Variants in UVRAG observed in about 807,000 individuals in gnomAD.
The protein encoded by UVRAG is UV radiation resistance-associated gene protein.
UVRAG carries 19 observed loss-of-function variants against 78.0 expected under a neutral mutation model. That is an observed-to-expected ratio of 0.24 (90% CI 0.17 to 0.36). The LOEUF (loss-of-function observed/expected upper bound fraction) is 0.36. UVRAG is among the 10% of genes least tolerant of loss of function. The pLI is 1.00. For missense variants in UVRAG, 740 were observed against 853.8 expected, an observed-to-expected ratio of 0.87 and a Z score of 1.66; for synonymous variants, 323 against 324.6, an observed-to-expected ratio of 1.00 and a Z score of 0.05.
chr11:75,816,508 A>G (rs937724167), intron 1 of UVRAG, among the ~76,000 whole-genome samples: 7 of 152,228 alleles, frequency 4.6e-5, no homozygotes, highest in African/African-American at 1.7e-4. Flanking sequence ...GGATTTGTGC[A>G]AAGGGCTCAG....
chr11:75,821,108 T>C (rs143563125), intron 1 of UVRAG, among the ~76,000 whole-genome samples: 4 of 152,304 alleles, frequency 2.6e-5, no homozygotes, highest in African/African-American at 9.6e-5. Context: ...CCCTGGTAAA[T>C]TCTGTTCTAC....
intron 6 of UVRAG, among the ~76,000 whole-genome samples, chr11:75,960,220 C>CT (rs1408622264): frequency 1.4e-5 from 2 of 142,882 alleles, no homozygotes; most frequent in Non-Finnish European, 3.1e-5. Context: ...TTTTTTGTTT[C>CT]TTTTTTTTAA....
chr11:75,961,750 C>T (rs778294343), intron 7 of UVRAG, among the ~76,000 whole-genome samples: 1 of 152,050 alleles, frequency 6.6e-6, no homozygotes, highest in South Asian at 2.1e-4. Context: ...CTGCTTTATT[C>T]TGCTAGATGA....
At chr11:76,075,992 C>T (rs1378177094) in intron 13 of UVRAG, among the ~76,000 whole-genome samples, 1 of 152,028 alleles carries the variant, frequency 6.6e-6, no homozygotes, top group African/African-American at 2.4e-5. Flanking sequence ...TATCCATTTA[C>T]GAGTTGATAG....
Position 75,820,500 on chromosome 11 carries a change from A to T in UVRAG, c.117+4976A>T, listed in dbSNP as rs188001199. Among the ~76,000 whole-genome samples the T allele has an allele frequency of 1.0e-3, 153 of 152,088 alleles. No individual in the cohort carries two copies. The East Asian group carries it at 0.022, about 22-fold the overall frequency. On this transcript the variant is annotated intron_variant, in intron 1 of 14. Transcript: ENST00000356136. ...CTCCTGAGTAGCTGGGATTACAGGC[A>T]TGCACCACTGTTCCTGGCTAATTTT...
intron 3 of UVRAG, among the ~76,000 whole-genome samples, chr11:75,875,400 G>A (rs1946745119): frequency 6.6e-6 from 1 of 150,406 alleles, no homozygotes; most frequent in Non-Finnish European, 1.5e-5. Flanking sequence ...CAGTTACTTG[G>A]TTTTATGTGT....
In UVRAG at chr11:76,141,311, C is replaced by T. The variant is rs78673379; in HGVS notation, c.1998C>T (p.Asp666=). The T allele has an allele frequency of 1.5e-4, 246 of 1,614,184 alleles. 1 individual carries two copies. In the African/African-American group the frequency reaches 2.7e-3, roughly 18 times the overall value. ...PVDSAVAVEC[D]EQVLGEFEEF... is the part of the protein sequence containing the mutation. ...ACAGTGCTGTGGCAGTAGAGTGTGACGAACAAGTTCTGGGAGAATTTGAAG... is the reference window on the plus strand; with the variant it reads ...ACAGTGCTGTGGCAGTAGAGTGTGATGAACAAGTTCTGGGAGAATTTGAAG... Residue 666 remains aspartate (D), a synonymous_variant, in exon 15 of 15, where the codon GAC becomes GAT. Coordinates refer to ENST00000356136, the MANE Select transcript of UVRAG (RefSeq NM_003369.4).
At chr11:76,133,269 A>G (rs1444878359) in intron 14 of UVRAG, among the ~76,000 whole-genome samples, 1 of 152,182 alleles carries the variant, frequency 6.6e-6, no homozygotes, top group East Asian at 1.9e-4. Context: ...AGAAGAGGAC[A>G]CCTAGGTTGG....
chr11:76,060,678 GC>G (rs949867259), intron 12 of UVRAG, among the ~76,000 whole-genome samples: 22 of 152,336 alleles, frequency 1.4e-4, no homozygotes, highest in African/African-American at 5.0e-4. Flanking sequence ...GGCCCTGCTG[GC>G]CCCAGGCAGT....
In UVRAG at chr11:76,115,938, T is replaced by C. The variant is rs771580699; in HGVS notation, c.1320T>C (p.His440=). ...CACCTTCACAGCTAAGATATCAACATGGACTAGGGACTCCAGACTTGCGGC... is the reference window on the plus strand; with the variant it reads ...CACCTTCACAGCTAAGATATCAACACGGACTAGGGACTCCAGACTTGCGGC... ...NKNIAQLRYQ[H]GLGTPDLRQT... is the part of the protein sequence containing the mutation. The change falls in exon 14 of 15, where the codon CAT becomes CAC. Residue 440 remains histidine, a synonymous_variant. Transcript: ENST00000356136. The C allele has an allele frequency of 3.1e-6, 5 of 1,613,900 alleles. No individual in the cohort carries two copies. In the Admixed American group the frequency reaches 5.0e-5, roughly 16 times the overall value.
At chr11:75,937,147 A>T (rs1230383099) in intron 6 of UVRAG, among the ~76,000 whole-genome samples, 1 of 152,172 alleles carries the variant, frequency 6.6e-6, no homozygotes, top group Non-Finnish European at 1.5e-5. Flanking sequence ...AGGTGGGCGG[A>T]TCCTGAGGTC....
At chr11:75,818,538 G>A (rs1448791114) in intron 1 of UVRAG, among the ~76,000 whole-genome samples, 1 of 151,460 alleles carries the variant, frequency 6.6e-6, no homozygotes, top group Non-Finnish European at 1.5e-5. Flanking sequence ...GAGTGCAGTG[G>A]CGCGATCTTG....
chr11:76,131,863 G>C (rs950437068), intron 14 of UVRAG, among the ~76,000 whole-genome samples: 1 of 152,188 alleles, frequency 6.6e-6, no homozygotes, highest in African/African-American at 2.4e-5. Context: ...TTTCCCTAAA[G>C]GAGGTTCTGA....
intron 6 of UVRAG, among the ~76,000 whole-genome samples, chr11:75,933,926 A>C (rs958681178): frequency 6.6e-6 from 1 of 152,318 alleles, no homozygotes; most frequent in Middle Eastern, 3.4e-3. Flanking sequence ...TACAACCACT[A>C]TGGAGAATAG....
At chr11:76,121,665 C>G (rs571418999) in intron 14 of UVRAG, among the ~76,000 whole-genome samples, 6 of 152,302 alleles carry the variant, frequency 3.9e-5, no homozygotes, top group African/African-American at 1.4e-4. Context: ...GATTTTGTCT[C>G]TCCACCACTC....
At chr11:76,126,721 A>T (rs556076626) in intron 14 of UVRAG, among the ~76,000 whole-genome samples, 1 of 152,114 alleles carries the variant, frequency 6.6e-6, no homozygotes, top group East Asian at 1.9e-4. Flanking sequence ...AAATTCATTT[A>T]TACATAAAAC....
intron 5 of UVRAG, among the ~76,000 whole-genome samples, chr11:75,896,606 C>T (rs963184348): frequency 6.6e-6 from 1 of 152,282 alleles, no homozygotes; most frequent in Middle Eastern, 3.4e-3. Context: ...ATCTCTAATG[C>T]TTACCATTGT....
chr11:75,820,552 G>A (rs1018828253), intron 1 of UVRAG, among the ~76,000 whole-genome samples: 11 of 151,970 alleles, frequency 7.2e-5, no homozygotes, highest in Admixed American at 1.3e-4. Flanking sequence ...ATGAGGTTTT[G>A]CCATGTTGGC....
intron 12 of UVRAG, among the ~76,000 whole-genome samples, chr11:76,019,579 T>C (rs1319624133): frequency 6.6e-6 from 1 of 152,238 alleles, no homozygotes; most frequent in African/African-American, 2.4e-5. Context: ...ACACTGTGGT[T>C]CTTGCAGTCT....
Sources: gnomAD v4.1 joint callset for allele counts (sites outside exome capture counted in the v4.1 genomes callset) on GRCh38, gnomAD v4.1.1 for gene constraint, MANE v1.5 for transcripts, NCBI Gene and HGNC (gene_info 2026-07-23, HGNC 2026-07-21) for gene names.